The following MAT1A variants were observed in gnomAD, a reference collection of about 807,000 sequenced individuals.
MAT1A encodes S-adenosylmethionine synthase isoform type-1.
A neutral mutation model predicts 44.0 loss-of-function variants in MAT1A; 19 were observed. That is an observed-to-expected ratio of 0.43 (90% CI 0.30 to 0.63). The LOEUF is 0.63. Ranked by LOEUF, MAT1A falls within the 30% of genes least tolerant of loss-of-function variation. The probability of loss-of-function intolerance (pLI) is 0.12; values close to 1 mark genes in which losing one functional copy is unlikely to be tolerated. For synonymous variants in MAT1A, 205 were observed against 205.6 expected (o/e 1.00, Z 0.03); for missense variants, 397 against 531.0 (o/e 0.75, Z 2.48).
chr10:80,285,405 A>G (rs780214970), intron 2 of MAT1A, 107 bp downstream of exon 2: 11 of 885,964 alleles, frequency 1.2e-5, no homozygotes, highest in Non-Finnish European at 1.7e-5. Flanking sequence ...AGCAGAGGAC[A>G]TGGATTTTGG....
intron 8 of MAT1A, 120 bp downstream of exon 8, chr10:80,274,400 C>A (rs1210931442): frequency 7.0e-7 from 1 of 1,422,700 alleles, no homozygotes; most frequent in Non-Finnish European, 9.8e-7. Flanking sequence ...CAAGAGCTCA[C>A]AGACCCTCCC....
intron 3 of MAT1A, among the ~76,000 whole-genome samples, chr10:80,283,094 C>T (rs1841589512): frequency 6.6e-6 from 1 of 152,180 alleles, no homozygotes; most frequent in South Asian, 2.1e-4. Context: ...CATCTAATGC[C>T]AGAGACCAAC....
chr10:80,288,782 T>C (rs992062087), intron 1 of MAT1A, among the ~76,000 whole-genome samples: 3 of 148,926 alleles, frequency 2.0e-5, no homozygotes, highest in Non-Finnish European at 1.5e-5. Flanking sequence ...AAAGCTTTCC[T>C]AAAAAAAAAA....
intron 1 of MAT1A, among the ~76,000 whole-genome samples, chr10:80,287,037 T>C (rs1841659105): frequency 6.6e-6 from 1 of 152,234 alleles, no homozygotes; most frequent in South Asian, 2.1e-4. Flanking sequence ...CTTCTACCAC[T>C]GAAGGCCTCT....
rs147893222 is a variant in MAT1A at position 80,285,976 on chromosome 10, C to T, written c.92-387G>A. Among the ~76,000 whole-genome samples, 1,419 of 152,096 alleles carry T rather than the reference C, an allele frequency of 9.3e-3. 24 individuals carry two copies. Among genetic ancestry groups the T allele is most frequent in the African/African-American group, 0.032 (1,340 of 41,478 alleles). On this transcript the variant is annotated intron_variant, in intron 1 of 8. Transcript: ENST00000372213. ...AGGTAGCTAGGATTACAGGCTTGTG[C>T]TACCACGCCTGGCTAATTTGTTTTG...
chr10:80,283,782 G>C, intron 3 of MAT1A, 134 bp downstream of exon 3: 1 of 1,387,132 alleles, frequency 7.2e-7, no homozygotes, highest in Non-Finnish European at 1.0e-6. Context: ...GAACCTGACA[G>C]ACAAGTGTAG....
At chr10:80,280,087 T>C (rs1841542870) in intron 5 of MAT1A, 86 bp downstream of exon 5, 2 of 1,506,446 alleles carry the variant, frequency 1.3e-6, no homozygotes, top group Admixed American at 1.8e-5. Flanking sequence ...ATTTCGATCT[T>C]AAAAATGACA....
Position 80,274,682 on chromosome 10 carries a change from G to C in MAT1A, c.952-29C>G, listed in dbSNP as rs767302382. On this transcript the variant is annotated intron_variant, in intron 7 of 8. Coordinates refer to ENST00000372213, the MANE Select transcript of MAT1A (RefSeq NM_000429.3). Reference sequence around the variant, plus strand: ...CCAGCAAGGTGCAGCGTCAGGGATTGAAGCCTCTGTGTGGGCCCTGCCCCT... The same window carrying C: ...CCAGCAAGGTGCAGCGTCAGGGATTCAAGCCTCTGTGTGGGCCCTGCCCCT... 7.4e-6 allele frequency: 12 copies of C among 1,613,830 alleles called. 1 individual carries two copies. The South Asian group carries it at 1.3e-4, about 18-fold the overall frequency.
rs1158394776 is a variant in MAT1A at position 80,280,697 on chromosome 10, C to T, written c.388G>A (p.Val130Met). The part of the protein sequence containing the change: ...CVHLDRNEED[V>M]GAGDQGLMFG... The stretch of plus-strand genomic sequence containing the variant: ...CGAGCTACCTGATCTCCTGCCCCCA[C>T]ATCCTCCTCATTTCTGTCCAGATGG... Residue 130 changes from valine to methionine, a missense_variant, in exon 4 of 9, where the codon GTG becomes ATG. Physicochemically the swap from Val to Met is conservative, Grantham distance 21 (BLOSUM62 1). Transcript: ENST00000372213. 6 of 1,614,182 alleles carry T rather than the reference C, an allele frequency of 3.7e-6. No individual in the cohort carries two copies. The highest frequency in any genetic ancestry group is 1.6e-4 in the Middle Eastern group (1 of 6,062).
Position 80,274,015 on chromosome 10 carries a change from G to A in MAT1A, c.1086-132C>T, listed in dbSNP as rs987416712. On this transcript the variant is annotated intron_variant, in intron 8 of 8. Coordinates refer to ENST00000372213, the MANE Select transcript of MAT1A (RefSeq NM_000429.3). Reference sequence around the variant, plus strand: ...TCGCATGGCACTACGCCTCCCCACCGCAGTTGCGCGCACCCATCCTATCTG... The same window carrying A: ...TCGCATGGCACTACGCCTCCCCACCACAGTTGCGCGCACCCATCCTATCTG... 1.9e-4 allele frequency: 135 copies of A among 722,146 alleles called. No individual in the cohort carries two copies. The African/African-American group carries it at 2.0e-3, about 11-fold the overall frequency. The allele number at this position is 722,146 out of a possible 1,614,324, so 44.7% of individuals were successfully genotyped here.
At chr10:80,282,539 A>T (rs1439101756) in intron 3 of MAT1A, among the ~76,000 whole-genome samples, 1 of 152,230 alleles carries the variant, frequency 6.6e-6, no homozygotes, top group Non-Finnish European at 1.5e-5. Context: ...GTACATAAAC[A>T]AATTGGCTTT....
Position 80,285,533 on chromosome 10 carries a change from G to A in MAT1A, c.148C>T (p.Pro50Ser), listed in dbSNP as rs1841638852. 1 of 1,614,072 alleles carries A rather than the reference G, an allele frequency of 6.2e-7. No individual in the cohort carries two copies. The highest frequency in any genetic ancestry group is 1.3e-5 in the African/African-American group (1 of 75,018). ...AVLDAHLKQD[P>S]NAKVACETVC... is the part of the protein sequence containing the mutation. ...TTACCACAGGCCACCTTGGCATTGG[G>A]GTCTTGCTTGAGATGGGCATCCAGC... Residue 50 changes from proline to serine, a missense_variant, in exon 2 of 9, where the codon CCC becomes TCC. Pro to Ser is a moderately conservative substitution (Grantham distance 74, BLOSUM62 -1). Transcript: ENST00000372213.
In MAT1A at chr10:80,276,391, G is replaced by T; in HGVS notation, c.753C>A (p.Val251=). The T allele has an allele frequency of 6.2e-7, 1 of 1,614,092 alleles. No individual in the cohort carries two copies. The highest frequency in any genetic ancestry group is 1.1e-5 in the South Asian group (1 of 91,060). Residue 251 remains valine, a synonymous_variant, in exon 6 of 9, where the codon GTC becomes GTA. Coordinates refer to ENST00000372213, the MANE Select transcript of MAT1A (RefSeq NM_000429.3). ...AAGAATGCACCTGGGGACCTCCGAT[G>T]ACAAACCGCCCACTGGGCTGCAGGT... ...VYHLQPSGRF[V]IGGPQGDAGV...
chr10:80,282,997 C>T (rs1841588491), intron 3 of MAT1A, among the ~76,000 whole-genome samples: 1 of 152,228 alleles, frequency 6.6e-6, no homozygotes, highest in South Asian at 2.1e-4. Flanking sequence ...GAGGTCATCA[C>T]ATCTCTCACA....
Position 80,276,641 on chromosome 10 carries a change from C to T in MAT1A, c.550-47G>A, listed in dbSNP as rs116031102. On this transcript the variant is annotated intron_variant, in intron 5 of 8. Coordinates refer to ENST00000372213, the MANE Select transcript of MAT1A (RefSeq NM_000429.3). The stretch of plus-strand genomic sequence containing the variant: ...GAGATACTGTGAGGCTGAGGCTGAG[C>T]GAACGGCACATCGTGGCCAGACACA... 77,117 of 1,584,844 alleles carry T rather than the reference C, an allele frequency of 0.049. 2,155 individuals are homozygous for T. Among genetic ancestry groups the T allele is most frequent in the African/African-American group, 0.062 (4,626 of 74,740 alleles).
At chr10:80,281,167 G>A (rs1357330641) in intron 3 of MAT1A, among the ~76,000 whole-genome samples, 1 of 152,152 alleles carries the variant, frequency 6.6e-6, no homozygotes, top group Admixed American at 6.5e-5. Context: ...TCCCACAGGT[G>A]CCTCCCAGAA....
chr10:80,275,450 T>C (rs983787887), intron 6 of MAT1A: 13 of 562,864 alleles, frequency 2.3e-5, no homozygotes, highest in Non-Finnish European at 3.8e-5. Context: ...AGGGGTTCTC[T>C]GGGGTCACAG....
At chr10:80,283,541 T>C (rs951261520) in intron 3 of MAT1A, among the ~76,000 whole-genome samples, 2 of 152,226 alleles carry the variant, frequency 1.3e-5, no homozygotes, top group Non-Finnish European at 2.9e-5. Context: ...TCTGCATAAG[T>C]ACATAAATGA....
chr10:80,278,505 C>A (rs1469647395), intron 5 of MAT1A, among the ~76,000 whole-genome samples: 1 of 152,220 alleles, frequency 6.6e-6, no homozygotes, highest in Non-Finnish European at 1.5e-5. Context: ...GGCAGGCCGA[C>A]ATCATGGGCC....
Sources: gnomAD v4.1 joint callset for allele counts (sites outside exome capture counted in the v4.1 genomes callset) on GRCh38, gnomAD v4.1.1 for gene constraint, MANE v1.5 for transcripts, NCBI Gene and HGNC (gene_info 2026-07-23, HGNC 2026-07-21) for gene names.